Variants in MTSS1 observed in about 807,000 individuals in gnomAD.
The protein encoded by MTSS1 is MTSS I-BAR domain containing 1, also known as protein MTSS 1.
A neutral mutation model predicts 79.0 loss-of-function variants in MTSS1; 18 were observed. The observed-to-expected ratio is 0.23, with a 90% CI of 0.16 to 0.34. MTSS1 has a LOEUF of 0.34. MTSS1 is among the 10% of genes least tolerant of loss of function. The pLI is 1.00. For synonymous variants in MTSS1, 341 were observed against 368.6 expected (o/e 0.93, Z 0.86); for missense variants, 815 against 986.2 (o/e 0.83, Z 2.33).
Position 124,602,003 on chromosome 8 carries a change from A to C in MTSS1, c.209-10768T>G. Among the ~76,000 whole-genome samples, 3 of 151,960 alleles carry C rather than the reference A, an allele frequency of 2.0e-5. 1 individual carries two copies. The highest frequency in any genetic ancestry group is 2.0e-4 in the Admixed American group (3 of 15,258). ...AGGAAGCTCAATTCTTAGGCCTGGA[A>C]AAGTTCAATCATGATGCCCTAGCTA... On this transcript the variant is annotated intron_variant, in intron 3 of 13. Transcript: ENST00000518547.
Position 124,639,826 on chromosome 8 carries a change from C to T in MTSS1, c.209-48591G>A, listed in dbSNP as rs950735654. ...AACTAAATGTTCATCATCTGCAAAG[C>T]CTAACCTTTCGTTCAATTTCTTGCC... On this transcript the variant is annotated intron_variant, in intron 3 of 13. Transcript: ENST00000518547. 5.3e-5 allele frequency among the ~76,000 whole-genome samples: 8 copies of T among 152,176 alleles called. No homozygotes were observed. In the South Asian group the frequency reaches 1.0e-3, roughly 20 times the overall value.
chr8:124,602,084 T>C (rs1294335716), intron 3 of MTSS1, among the ~76,000 whole-genome samples: 1 of 150,288 alleles, frequency 6.7e-6, no homozygotes, highest in Non-Finnish European at 1.5e-5. Context: ...TTGGCTTCCC[T>C]GGGCCACAGT....
chr8:124,617,673 C>T (rs570888395), intron 3 of MTSS1, among the ~76,000 whole-genome samples: 3 of 152,182 alleles, frequency 2.0e-5, no homozygotes, highest in South Asian at 2.1e-4. Flanking sequence ...GCACCCTCTG[C>T]GAGCTCACCT....
intron 3 of MTSS1, among the ~76,000 whole-genome samples, chr8:124,592,472 T>C (rs537468224): frequency 1.3e-5 from 2 of 152,258 alleles, no homozygotes; most frequent in African/African-American, 2.4e-5. Context: ...GGTTTAACCA[T>C]GTTGAATTGG....
At chr8:124,595,035 C>T (rs12335318) in intron 3 of MTSS1, among the ~76,000 whole-genome samples, 11,094 of 152,190 alleles carry the variant, frequency 0.073, 558 homozygotes, top group Middle Eastern at 0.2. Context: ...TCTGTGTTCT[C>T]GGTACCTAGC....
intron 3 of MTSS1, among the ~76,000 whole-genome samples, chr8:124,666,048 A>G (rs754612749): frequency 3.3e-5 from 5 of 152,208 alleles, no homozygotes; most frequent in Admixed American, 1.3e-4. Context: ...CAGAGACAAC[A>G]CACATATTAA....
At chr8:124,629,778 C>A (rs746607593) in intron 3 of MTSS1, among the ~76,000 whole-genome samples, 4 of 152,172 alleles carry the variant, frequency 2.6e-5, no homozygotes, top group Non-Finnish European at 5.9e-5. Flanking sequence ...CTCCCAGACA[C>A]CACACCACAA....
intron 9 of MTSS1, 59 bp downstream of exon 9, chr8:124,565,603 A>G: frequency 6.8e-7 from 1 of 1,465,708 alleles, no homozygotes; most frequent in Non-Finnish European, 9.6e-7. Flanking sequence ...CATTGCTCAC[A>G]TTAGCATAAA....
At chr8:124,607,106 G>A (rs1835007559) in intron 3 of MTSS1, among the ~76,000 whole-genome samples, 1 of 152,214 alleles carries the variant, frequency 6.6e-6, no homozygotes, top group Non-Finnish European at 1.5e-5. Context: ...ACGTGAGTAA[G>A]TGGAACCAGG....
chr8:124,630,468 G>A (rs903791825), intron 3 of MTSS1, among the ~76,000 whole-genome samples: 9 of 152,224 alleles, frequency 5.9e-5, no homozygotes, highest in African/African-American at 2.2e-4. Flanking sequence ...GTGACTCAGG[G>A]GGCCTATGGG....
At chr8:124,719,385 G>A (rs1430851) in intron 1 of MTSS1, among the ~76,000 whole-genome samples, 12,464 of 152,244 alleles carry the variant, frequency 0.082, 791 homozygotes, top group Admixed American at 0.21. Flanking sequence ...GTGTCACCCA[G>A]ATCAAAAGCC....
intron 3 of MTSS1, among the ~76,000 whole-genome samples, chr8:124,641,275 A>G (rs960287538): frequency 2.2e-4 from 34 of 152,276 alleles, no homozygotes; most frequent in African/African-American, 5.3e-4. Flanking sequence ...AGACCCCCCA[A>G]TCCCCATATA....
At position 124,553,942 on chromosome 8, in the gene MTSS1, G is replaced by A. The variant is rs554345923; in HGVS notation, c.1568-250C>T. Among the ~76,000 whole-genome samples the A allele has an allele frequency of 2.0e-5, 3 of 152,262 alleles. No individual in the cohort carries two copies. The highest frequency in any genetic ancestry group is 6.8e-3 in the Middle Eastern group (2 of 294). On this transcript the variant is annotated intron_variant, in intron 13 of 13. Transcript: ENST00000518547. This position sits in a 1 kb window ranked among gnomAD's most constrained non-coding sequence, Gnocchi z 6.0. ...TGGACACGGTAGGCACTCAAATATC[G>A]TCAATGGGGAAGAAGGTAAAGCTGC...
chr8:124,605,617 C>T (rs137882296), intron 3 of MTSS1, among the ~76,000 whole-genome samples: 13 of 140,524 alleles, frequency 9.3e-5, no homozygotes, highest in Non-Finnish European at 2.0e-4. Flanking sequence ...CCTCGCGCTG[C>T]CTCCCTCCCT....
chr8:124,657,647 A>G (rs1267853661), intron 3 of MTSS1, among the ~76,000 whole-genome samples: 1 of 152,164 alleles, frequency 6.6e-6, no homozygotes, highest in Non-Finnish European at 1.5e-5. Context: ...CGCATACATC[A>G]TGGACAAGAG....
intron 6 of MTSS1, chr8:124,580,544 G>A (rs1332502835): frequency 6.5e-7 from 1 of 1,535,854 alleles, no homozygotes; most frequent in Non-Finnish European, 8.7e-7. Flanking sequence ...TGGGATGGTA[G>A]ACTTACCAAG....
At chr8:124,557,922 T>C (rs758400277) in intron 10 of MTSS1, 47 bp from the exon 11 acceptor site, 17 of 1,428,402 alleles carry the variant, frequency 1.2e-5, no homozygotes, top group Middle Eastern at 1.9e-4. Flanking sequence ...AAAATTAATA[T>C]AACAGGATGA....
intron 3 of MTSS1, among the ~76,000 whole-genome samples, chr8:124,633,326 C>T (rs1337928299): frequency 1.3e-5 from 2 of 152,184 alleles, no homozygotes; most frequent in South Asian, 2.1e-4. Context: ...AATTAGGTTT[C>T]TAAGTGACTC....
chr8:124,618,502 T>G (rs1812841813), intron 3 of MTSS1, among the ~76,000 whole-genome samples: 1 of 152,214 alleles, frequency 6.6e-6, no homozygotes, highest in South Asian at 2.1e-4. Context: ...TTGACAAAAC[T>G]AATACTTGGG....
Sources: gnomAD v4.1 joint callset for allele counts (sites outside exome capture counted in the v4.1 genomes callset) on GRCh38, gnomAD v4.1.1 for gene constraint, Gnocchi (gnomAD v3.1) non-coding constraint, MANE v1.5 for transcripts, NCBI Gene and HGNC (gene_info 2026-07-23, HGNC 2026-07-21) for gene names.